Variants in ABTB3 observed in about 807,000 individuals in gnomAD.
ABTB3 encodes the protein ankyrin repeat- and BTB/POZ domain-containing protein 3.
chr12:107,520,347 G>A, the ABTB3 span: 43 of 1,465,208 alleles, frequency 2.9e-5, no homozygotes, highest in Middle Eastern at 2.6e-4. Context: ...AGTCCAGAGC[G>A]TTGGTTCCTA....
chr12:107,577,310 T>C, the ABTB3 span, among the ~76,000 whole-genome samples: 1 of 152,204 alleles, frequency 6.6e-6, no homozygotes, highest in Non-Finnish European at 1.5e-5. Context: ...GGCCAAAACG[T>C]TGATGGGCCA....
At chr12:107,407,519 G>A in the ABTB3 span, among the ~76,000 whole-genome samples, 26 of 152,212 alleles carry the variant, frequency 1.7e-4, no homozygotes, top group African/African-American at 5.8e-4. Context: ...TTCTCATGGC[G>A]CTGCAGAAGT....
chr12:107,654,813 TATACACACACACAC>T, the ABTB3 span, among the ~76,000 whole-genome samples: 1 of 95,992 alleles, frequency 1.0e-5, no homozygotes, highest in African/African-American at 5.5e-5. Context: ...GTCTACATTG[TATACACACACACAC>T]ACACACACAC....
At chr12:107,380,593 G>A in the ABTB3 span, among the ~76,000 whole-genome samples, 3 of 152,162 alleles carry the variant, frequency 2.0e-5, no homozygotes, top group Admixed American at 6.5e-5. Context: ...GATTTACCTA[G>A]CATCTACTGA....
the ABTB3 span, among the ~76,000 whole-genome samples, chr12:107,323,244 G>A: frequency 6.6e-6 from 1 of 152,156 alleles, no homozygotes; most frequent in Non-Finnish European, 1.5e-5. Context: ...CCGAGTAGCT[G>A]GGACTACAGG....
At chr12:107,595,744 C>T in the ABTB3 span, among the ~76,000 whole-genome samples, 1 of 152,110 alleles carries the variant, frequency 6.6e-6, no homozygotes, top group African/African-American at 2.4e-5. Flanking sequence ...GTTTCTTAGC[C>T]TCTCTGTGCT....
chr12:107,620,454 C>T, the ABTB3 span, among the ~76,000 whole-genome samples: 1 of 150,774 alleles, frequency 6.6e-6, no homozygotes, highest in Non-Finnish European at 1.5e-5. Flanking sequence ...AACATGTGTG[C>T]CCCAACAGCA....
At chr12:107,605,135 C>T in the ABTB3 span, among the ~76,000 whole-genome samples, 1 of 152,160 alleles carries the variant, frequency 6.6e-6, no homozygotes, top group African/African-American at 2.4e-5. Flanking sequence ...ACCATAAATA[C>T]ACACCATGCT....
At chr12:107,333,652 G>A in the ABTB3 span, among the ~76,000 whole-genome samples, 33 of 152,258 alleles carry the variant, frequency 2.2e-4, no homozygotes, top group African/African-American at 7.7e-4. Flanking sequence ...CCATTCATTC[G>A]ATCATTTGTT....
At chr12:107,566,271 C>G in the ABTB3 span, among the ~76,000 whole-genome samples, 1 of 152,100 alleles carries the variant, frequency 6.6e-6, no homozygotes, top group Non-Finnish European at 1.5e-5. Context: ...CTATCCCATT[C>G]CCATCCCCTA....
At chr12:107,656,928 GC>G in the ABTB3 span, among the ~76,000 whole-genome samples, 2 of 152,126 alleles carry the variant, frequency 1.3e-5, no homozygotes, top group East Asian at 3.9e-4. Flanking sequence ...ACTTTGGGAC[GC>G]CCGCCTTGGT....
the ABTB3 span, among the ~76,000 whole-genome samples, chr12:107,600,891 C>T: frequency 2.0e-5 from 3 of 152,144 alleles, no homozygotes; most frequent in Admixed American, 6.5e-5. Context: ...GGACCAGGCT[C>T]TAGAACAATT....
the ABTB3 span, chr12:107,320,493 A>G: frequency 2.2e-6 from 1 of 447,644 alleles, no homozygotes; most frequent in Non-Finnish European, 4.5e-6. Flanking sequence ...AGGACTTGGG[A>G]GGAGGCGCGT....
the ABTB3 span, among the ~76,000 whole-genome samples, chr12:107,560,328 G>T: frequency 6.6e-6 from 1 of 152,142 alleles, no homozygotes; most frequent in African/African-American, 2.4e-5. Flanking sequence ...GCAACTGAGG[G>T]GTTAATTCAC....
At chr12:107,544,165 T>C in the ABTB3 span, 1 of 1,604,284 alleles carries the variant, frequency 6.2e-7, no homozygotes, top group African/African-American at 1.3e-5. Context: ...CCTTGCCTTG[T>C]GGTGGGTGGG....
chr12:107,552,536 G>A, the ABTB3 span, among the ~76,000 whole-genome samples: 2 of 152,144 alleles, frequency 1.3e-5, no homozygotes, highest in South Asian at 4.1e-4. Flanking sequence ...TACTTTTGTT[G>A]ATTTGTGCCA....
At chr12:107,470,982 G>A in the ABTB3 span, among the ~76,000 whole-genome samples, 1 of 152,172 alleles carries the variant, frequency 6.6e-6, no homozygotes, top group Non-Finnish European at 1.5e-5. Flanking sequence ...TAGAGCAGTT[G>A]TTGTTGTCAG....
At chr12:107,421,605 C>T in the ABTB3 span, among the ~76,000 whole-genome samples, 9 of 152,190 alleles carry the variant, frequency 5.9e-5, no homozygotes, top group African/African-American at 1.4e-4. Context: ...CTGAATTGTT[C>T]GGTAAACGAT....
the ABTB3 span, among the ~76,000 whole-genome samples, chr12:107,645,051 C>A: frequency 6.7e-6 from 1 of 148,446 alleles, no homozygotes; most frequent in African/African-American, 2.5e-5. Context: ...CGGCTTACTG[C>A]AACCTCCGCC....
Sources: gnomAD v4.1 joint callset for allele counts (sites outside exome capture counted in the v4.1 genomes callset) on GRCh38, gnomAD v4.1.1 for gene constraint, MANE v1.5 for transcripts, NCBI Gene and HGNC (gene_info 2026-07-23, HGNC 2026-07-21) for gene names.